The following NDUFS4 variants were observed in gnomAD, a reference collection of about 807,000 sequenced individuals.
NDUFS4 encodes NADH dehydrogenase [ubiquinone] iron-sulfur protein 4, mitochondrial.
Under a neutral mutation model 24.3 loss-of-function variants are expected in NDUFS4, and 28 were observed. That is an observed-to-expected ratio of 1.15 (90% CI 0.85 to 1.58). The LOEUF (loss-of-function observed/expected upper bound fraction) is 1.58, where lower values mean the gene tolerates loss of function less well. Among genes scored for constraint, NDUFS4 ranks in the 40% most tolerant of loss-of-function variants. NDUFS4 has a pLI of 0.00. For missense variants in NDUFS4, 223 were observed against 207.9 expected (o/e 1.07, Z -0.45); for synonymous variants, 93 against 69.7 (o/e 1.34, Z -1.67).
At chr5:53,633,458 ATC>A (rs1935471583) in intron 2 of NDUFS4, among the ~76,000 whole-genome samples, 1 of 152,164 alleles carries the variant, frequency 6.6e-6, no homozygotes, top group South Asian at 2.1e-4. Context: ...ACAGAGAAGA[ATC>A]TGAACAAAAA....
chr5:53,675,926 T>C (rs1250567477), intron 4 of NDUFS4, among the ~76,000 whole-genome samples: 1 of 152,208 alleles, frequency 6.6e-6, no homozygotes, highest in East Asian at 1.9e-4. Flanking sequence ...GGTACACCAT[T>C]TCTTCGATGA....
chr5:53,594,102 A>T (rs1750058800), intron 1 of NDUFS4, among the ~76,000 whole-genome samples: 1 of 152,230 alleles, frequency 6.6e-6, no homozygotes, highest in Non-Finnish European at 1.5e-5. Context: ...CTTAACTGAT[A>T]CTCTGTCTAC....
At chr5:53,634,470 T>C (rs1751494303) in intron 2 of NDUFS4, among the ~76,000 whole-genome samples, 1 of 152,250 alleles carries the variant, frequency 6.6e-6, no homozygotes, top group African/African-American at 2.4e-5. Flanking sequence ...TCATAACTCT[T>C]AATGTATGCT....
intron 1 of NDUFS4, among the ~76,000 whole-genome samples, chr5:53,591,555 T>G (rs1749962527): frequency 6.6e-6 from 1 of 152,080 alleles, no homozygotes; most frequent in African/African-American, 2.4e-5. Flanking sequence ...TGCATGTTTT[T>G]GTGTGGACAT....
chr5:53,582,899 A>G (rs1446991865), intron 1 of NDUFS4, among the ~76,000 whole-genome samples: 1 of 152,200 alleles, frequency 6.6e-6, no homozygotes, highest in Admixed American at 6.5e-5. Context: ...CTCCATAAGC[A>G]GTATAGCATA....
chr5:53,610,163 G>A (rs1313721667), intron 2 of NDUFS4, among the ~76,000 whole-genome samples: 1 of 152,102 alleles, frequency 6.6e-6, no homozygotes, highest in Non-Finnish European at 1.5e-5. Flanking sequence ...CTTAAAGTGA[G>A]AGACATGAGA....
intron 2 of NDUFS4, among the ~76,000 whole-genome samples, chr5:53,631,794 G>T (rs551602014): frequency 5.3e-5 from 8 of 152,330 alleles, no homozygotes; most frequent in Non-Finnish European, 1.2e-4. Flanking sequence ...CAAGCCAATG[G>T]ATCTTAGCTT....
At chr5:53,585,451 A>G (rs935320275) in intron 1 of NDUFS4, among the ~76,000 whole-genome samples, 3 of 152,226 alleles carry the variant, frequency 2.0e-5, no homozygotes, top group African/African-American at 7.2e-5. Flanking sequence ...GCTAACCACA[A>G]TGAAAATTTT....
intron 2 of NDUFS4, among the ~76,000 whole-genome samples, chr5:53,643,974 T>A (rs1204549977): frequency 6.6e-6 from 1 of 152,154 alleles, no homozygotes; most frequent in Admixed American, 6.6e-5. Context: ...TAGTTATGAG[T>A]TCAAAATATA....
chr5:53,672,953 A>T (rs1299980355), intron 4 of NDUFS4, among the ~76,000 whole-genome samples: 3 of 152,176 alleles, frequency 2.0e-5, no homozygotes, highest in African/African-American at 7.2e-5. Flanking sequence ...ACTGGCCTAG[A>T]AGATGCAAGA....
chr5:53,608,638 C>T (rs1750603122), intron 2 of NDUFS4, among the ~76,000 whole-genome samples: 1 of 152,158 alleles, frequency 6.6e-6, no homozygotes, highest in South Asian at 2.1e-4. Context: ...CTGATTTGTT[C>T]CAGTTTAATC....
At position 53,646,253 on chromosome 5, in the gene NDUFS4, A is replaced by C. The variant is rs31304; in HGVS notation, c.198A>C (p.Gly66=). The C allele has an allele frequency of 0.96, 1,550,525 of 1,611,208 alleles. 746,514 individuals carry two copies. The highest frequency in any genetic ancestry group is 0.98 in the Admixed American group (58,860 of 59,922). ...TGTAGGATATCACTACTTTAACTGG[A>C]GTTCCAGAAGAGCATATAAAAACTA... The part of the protein sequence containing the change: ...DEKLDITTLT[G]VPEEHIKTRK... Residue 66 remains glycine, a synonymous_variant, in exon 3 of 5, where the codon GGA becomes GGC. Coordinates refer to ENST00000296684, the MANE Select transcript of NDUFS4 (RefSeq NM_002495.4).
chr5:53,600,726 A>G (rs1238215003), intron 1 of NDUFS4, among the ~76,000 whole-genome samples: 1 of 152,182 alleles, frequency 6.6e-6, no homozygotes, highest in Non-Finnish European at 1.5e-5. Flanking sequence ...GAGTCCTTTA[A>G]TAATTGTTTT....
chr5:53,660,904 T>C (rs972185623), intron 4 of NDUFS4, among the ~76,000 whole-genome samples: 1 of 152,222 alleles, frequency 6.6e-6, no homozygotes, highest in Non-Finnish European at 1.5e-5. Context: ...ATATTAGCCC[T>C]TTGTCAGATG....
At chr5:53,608,187 G>A (rs1750586795) in intron 2 of NDUFS4, among the ~76,000 whole-genome samples, 1 of 152,096 alleles carries the variant, frequency 6.6e-6, no homozygotes, top group Non-Finnish European at 1.5e-5. Context: ...GTGTGCATTA[G>A]CATTATGTCT....
At chr5:53,666,049 A>G (rs996604626) in intron 4 of NDUFS4, among the ~76,000 whole-genome samples, 1 of 152,216 alleles carries the variant, frequency 6.6e-6, no homozygotes, top group African/African-American at 2.4e-5. Context: ...TTTCTTGGCA[A>G]GTTCCAAATT....
chr5:53,561,208 GT>G (rs1407794387), intron 1 of NDUFS4, among the ~76,000 whole-genome samples: 2 of 152,110 alleles, frequency 1.3e-5, no homozygotes, highest in Non-Finnish European at 2.9e-5. Flanking sequence ...TTTTAATTTG[GT>G]TTCTGCATAG....
chr5:53,575,722 G>A (rs1307042888), intron 1 of NDUFS4, among the ~76,000 whole-genome samples: 2 of 151,412 alleles, frequency 1.3e-5, no homozygotes, highest in South Asian at 2.1e-4. Flanking sequence ...TTGTATTTTT[G>A]TAGAGATGGG....
chr5:53,595,602 T>A (rs547674302), intron 1 of NDUFS4, among the ~76,000 whole-genome samples: 1 of 152,358 alleles, frequency 6.6e-6, no homozygotes, highest in Non-Finnish European at 1.5e-5. Flanking sequence ...GATACATTTC[T>A]TTCTCCTTTA....
Sources: gnomAD v4.1 joint callset for allele counts (sites outside exome capture counted in the v4.1 genomes callset) on GRCh38, gnomAD v4.1.1 for gene constraint, MANE v1.5 for transcripts, NCBI Gene and HGNC (gene_info 2026-07-23, HGNC 2026-07-21) for gene names.